Variants in CNTNAP5 observed in about 807,000 individuals in gnomAD.
CNTNAP5 encodes the protein contactin associated protein family member 5.
In CNTNAP5, 72 loss-of-function variants were observed where a neutral mutation model predicts 150.2. The ratio of observed to expected loss-of-function variants is 0.48; its 90% confidence interval spans 0.40 to 0.58. The LOEUF (loss-of-function observed/expected upper bound fraction) is 0.58, where lower values mean the gene tolerates loss of function less well. CNTNAP5 is among the 20% of genes least tolerant of loss of function. The pLI is 0.00. For missense variants in CNTNAP5, 1,636 were observed against 1,626.2 expected (o/e 1.01, Z -0.10); for synonymous variants, 672 against 619.8 (o/e 1.08, Z -1.25).
intron 13 of CNTNAP5, among the ~76,000 whole-genome samples, chr2:124,710,729 A>G (rs1159962379): frequency 6.6e-6 from 1 of 152,126 alleles, no homozygotes; most frequent in Non-Finnish European, 1.5e-5. Context: ...AACTTTTCTG[A>G]AATTACTGTT....
intron 4 of CNTNAP5, among the ~76,000 whole-genome samples, chr2:124,433,894 G>A (rs1692456361): frequency 6.6e-6 from 1 of 152,158 alleles, no homozygotes; most frequent in African/African-American, 2.4e-5. Flanking sequence ...ACACTAAAAT[G>A]ATAAATATCA....
intron 13 of CNTNAP5, among the ~76,000 whole-genome samples, chr2:124,702,962 C>A (rs1679553395): frequency 6.6e-6 from 1 of 152,146 alleles, no homozygotes; most frequent in African/African-American, 2.4e-5. Context: ...AACACATGAA[C>A]ATGAACAGAT....
At position 124,910,088 on chromosome 2, in the gene CNTNAP5, C is replaced by T. The variant is rs958525173; in HGVS notation, c.3656-1379C>T. Among the ~76,000 whole-genome samples the T allele has an allele frequency of 2.0e-5, 3 of 151,764 alleles. No individual in the cohort carries two copies. In the East Asian group the frequency reaches 5.9e-4, roughly 30 times the overall value. On this transcript the variant is annotated intron_variant, in intron 22 of 23. Transcript: ENST00000682447. ...TTGTTTCTGCTCCGATTTCAAGAGTCCTAGGAAAAGGCCACCCCTGGACAC... is the reference window on the plus strand; with the variant it reads ...TTGTTTCTGCTCCGATTTCAAGAGTTCTAGGAAAAGGCCACCCCTGGACAC...
Position 124,916,742 on chromosome 2 carries a change from T to TC in CNTNAP5, c.*2455dup, listed in dbSNP as rs1165130777. ...AATGGCACTACAAAATCAACTGGCATCTTCCTCACGTGTGTAGACTCCATG... is the reference window on the plus strand; with the variant it reads ...AATGGCACTACAAAATCAACTGGCATCCTTCCTCACGTGTGTAGACTCCATG... On this transcript the variant is annotated 3_prime_UTR_variant, in exon 24 of 24. Transcript: ENST00000682447. Among the ~76,000 whole-genome samples the TC allele has an allele frequency of 6.6e-6, 1 of 152,080 alleles. No individual in the cohort carries two copies. Among genetic ancestry groups the TC allele is most frequent in the Non-Finnish European group, 1.5e-5 (1 of 67,986 alleles).
At chr2:124,447,018 G>A (rs1692838000) in intron 6 of CNTNAP5, 81 bp downstream of exon 6, 4 of 1,371,720 alleles carry the variant, frequency 2.9e-6, no homozygotes, top group Non-Finnish European at 4.1e-6. Flanking sequence ...CAGACCAACT[G>A]AGAGAAGTGG....
intron 3 of CNTNAP5, among the ~76,000 whole-genome samples, chr2:124,247,420 G>A (rs1036790641): frequency 6.6e-6 from 1 of 152,102 alleles, no homozygotes; most frequent in Admixed American, 6.6e-5. Flanking sequence ...TGTGTATATG[G>A]TAGCACGGCA....
Position 124,501,993 on chromosome 2 carries a change from A to C in CNTNAP5, c.1063-2299A>C, listed in dbSNP as rs1694289342. 2.0e-5 allele frequency among the ~76,000 whole-genome samples: 3 copies of C among 152,180 alleles called. No individual in the cohort carries two copies. In the South Asian group the frequency reaches 6.2e-4, roughly 31 times the overall value. On this transcript the variant is annotated intron_variant, in intron 7 of 23. Transcript: ENST00000682447. ...GCAAGAATGATAGAGGGAAGTGTGAAGGGAATCGGGGGAAGGGAGAGAGAA... is the reference window on the plus strand; with the variant it reads ...GCAAGAATGATAGAGGGAAGTGTGACGGGAATCGGGGGAAGGGAGAGAGAA...
chr2:124,290,383 C>G (rs1453633351), intron 3 of CNTNAP5, among the ~76,000 whole-genome samples: 1 of 152,186 alleles, frequency 6.6e-6, no homozygotes, highest in Non-Finnish European at 1.5e-5. Flanking sequence ...CACATCTTGA[C>G]TGCAACGCTG....
chr2:124,685,853 G>A (rs928827531), intron 13 of CNTNAP5, among the ~76,000 whole-genome samples: 1 of 151,914 alleles, frequency 6.6e-6, no homozygotes, highest in Non-Finnish European at 1.5e-5. Flanking sequence ...GTAAGATTCA[G>A]AAGCCTCATG....
At chr2:124,682,625 G>C (rs1336822599) in intron 13 of CNTNAP5, among the ~76,000 whole-genome samples, 1 of 152,100 alleles carries the variant, frequency 6.6e-6, no homozygotes, top group Admixed American at 6.6e-5. Flanking sequence ...GTTTCTCTCG[G>C]GTAGACAATT....
At chr2:124,486,119 G>C (rs762939999) in intron 7 of CNTNAP5, among the ~76,000 whole-genome samples, 40 of 152,284 alleles carry the variant, frequency 2.6e-4, no homozygotes, top group Middle Eastern at 3.4e-3. Flanking sequence ...ATACTACTCA[G>C]CCATAAAAAG....
At chr2:124,418,775 C>A (rs933721174) in intron 4 of CNTNAP5, among the ~76,000 whole-genome samples, 27 of 152,306 alleles carry the variant, frequency 1.8e-4, no homozygotes, top group African/African-American at 5.8e-4. Context: ...CCTGGGATGT[C>A]TGGGGCATCA....
At chr2:124,433,504 A>G (rs1368925555) in intron 4 of CNTNAP5, among the ~76,000 whole-genome samples, 1 of 152,150 alleles carries the variant, frequency 6.6e-6, no homozygotes, top group African/African-American at 2.4e-5. Context: ...TTTTAATTAC[A>G]TGCTGAATAA....
intron 7 of CNTNAP5, among the ~76,000 whole-genome samples, chr2:124,486,024 A>G (rs1473809756): frequency 6.6e-6 from 1 of 152,228 alleles, no homozygotes; most frequent in Non-Finnish European, 1.5e-5. Context: ...ATAGCAGCAC[A>G]ATGCACAATT....
chr2:124,846,598 A>C (rs188496376), intron 19 of CNTNAP5, among the ~76,000 whole-genome samples: 156 of 152,246 alleles, frequency 1.0e-3, no homozygotes, highest in Non-Finnish European at 2.0e-3. Flanking sequence ...CTTGGTTTGG[A>C]TCCATTGCTG....
chr2:124,059,385 A>T (rs1207467076), intron 1 of CNTNAP5, among the ~76,000 whole-genome samples: 1 of 152,166 alleles, frequency 6.6e-6, no homozygotes, highest in Non-Finnish European at 1.5e-5. Context: ...TCTACAAAAA[A>T]GCTGTGTTTT....
chr2:124,520,322 C>T (rs1290477355), intron 8 of CNTNAP5, among the ~76,000 whole-genome samples: 1 of 152,140 alleles, frequency 6.6e-6, no homozygotes, highest in Non-Finnish European at 1.5e-5. Context: ...CAAGAACTAC[C>T]TTCACCATAA....
intron 3 of CNTNAP5, among the ~76,000 whole-genome samples, chr2:124,270,462 A>G (rs935844886): frequency 6.6e-6 from 1 of 152,174 alleles, no homozygotes; most frequent in Admixed American, 6.5e-5. Context: ...AATGACAAAA[A>G]TAAAGCTCCT....
At chr2:124,759,938 C>A (rs1432256459) in intron 14 of CNTNAP5, among the ~76,000 whole-genome samples, 1 of 83,648 alleles carries the variant, frequency 1.2e-5, no homozygotes, top group Non-Finnish European at 2.2e-5. Context: ...ACTCCTCGGT[C>A]TTTTTTTTTT....
Sources: gnomAD v4.1 joint callset for allele counts (sites outside exome capture counted in the v4.1 genomes callset) on GRCh38, gnomAD v4.1.1 for gene constraint, MANE v1.5 for transcripts, NCBI Gene and HGNC (gene_info 2026-07-23, HGNC 2026-07-21) for gene names.